Variants in LTBP1 observed in about 807,000 individuals in gnomAD.
LTBP1 encodes latent transforming growth factor beta binding protein 1.
In LTBP1, 129 loss-of-function variants were observed where a neutral mutation model predicts 207.6. The ratio of observed to expected loss-of-function variants is 0.62; its 90% confidence interval spans 0.54 to 0.72. The LOEUF (loss-of-function observed/expected upper bound fraction) is 0.72. LTBP1 is among the 30% of genes least tolerant of loss of function. The pLI is 0.00. For missense variants in LTBP1, 2,281 were observed against 2,217.2 expected (o/e 1.03, Z -0.58); for synonymous variants, 963 against 833.7 (o/e 1.16, Z -2.67).
chr2:33,006,530 C>G (rs1028496709), intron 2 of LTBP1, among the ~76,000 whole-genome samples: 17 of 151,462 alleles, frequency 1.1e-4, no homozygotes, highest in Admixed American at 3.3e-4. Context: ...GTACAGGCAC[C>G]TAGCCACCAC....
intron 5 of LTBP1, among the ~76,000 whole-genome samples, chr2:33,137,915 G>A (rs1189516709): frequency 6.6e-6 from 1 of 152,192 alleles, no homozygotes. Flanking sequence ...GGGACAAGGT[G>A]AAGGACCTCA....
At chr2:33,374,582 G>A (rs993127159) in intron 31 of LTBP1, among the ~76,000 whole-genome samples, 1 of 152,202 alleles carries the variant, frequency 6.6e-6, no homozygotes, top group African/African-American at 2.4e-5. Flanking sequence ...CTGTGGGACT[G>A]AACTCTTGGT....
At chr2:33,019,328 CTTTTTTTTTTTTT>C (rs58570641) in intron 2 of LTBP1, among the ~76,000 whole-genome samples, 5 of 87,672 alleles carry the variant, frequency 5.7e-5, no homozygotes, top group Admixed American at 2.8e-4. Flanking sequence ...ATGTACACTT[CTTTTTTTTTTTTT>C]TTTTTTTTTT....
At position 33,284,464 on chromosome 2, in the gene LTBP1, C is replaced by T. The variant is rs1162344739; in HGVS notation, c.3112+4306C>T. ...TCATTCTTCTCTAGAGAGTCACGTT[C>T]GTCATTCGGCACTGTATTCCTTGGA... is the stretch of plus-strand genomic sequence containing the variant. On this transcript the variant is annotated intron_variant, in intron 19 of 33. Coordinates refer to ENST00000404816, the MANE Select transcript of LTBP1 (RefSeq NM_206943.4). Among the ~76,000 whole-genome samples the T allele has an allele frequency of 2.0e-5, 3 of 152,154 alleles. No homozygotes were observed. The East Asian group carries it at 5.8e-4, about 29-fold the overall frequency.
intron 5 of LTBP1, among the ~76,000 whole-genome samples, chr2:33,172,753 A>AG (rs2085592482): frequency 1.3e-5 from 2 of 152,256 alleles, no homozygotes; most frequent in Non-Finnish European, 2.9e-5. Flanking sequence ...CATAGTTGGA[A>AG]GTAAAGCTCT....
At chr2:33,004,832 A>G (rs1686591389) in intron 2 of LTBP1, among the ~76,000 whole-genome samples, 1 of 129,824 alleles carries the variant, frequency 7.7e-6, no homozygotes, top group African/African-American at 2.7e-5. Flanking sequence ...AAATTTGTAA[A>G]ATAGTATTTA....
chr2:33,064,466 A>G (rs905471903), intron 3 of LTBP1, among the ~76,000 whole-genome samples: 1 of 152,194 alleles, frequency 6.6e-6, no homozygotes, highest in Non-Finnish European at 1.5e-5. Context: ...CATGAGCTTC[A>G]TGTTCAGATT....
chr2:33,268,400 C>T (rs570386088), intron 15 of LTBP1, among the ~76,000 whole-genome samples: 125 of 152,280 alleles, frequency 8.2e-4, no homozygotes, highest in African/African-American at 2.5e-3. Flanking sequence ...AAAATGAATA[C>T]CATCAGCTCC....
intron 33 of LTBP1, among the ~76,000 whole-genome samples, 200 bp downstream of exon 33, chr2:33,397,482 T>C (rs555661396): frequency 5.2e-4 from 79 of 151,604 alleles, no homozygotes; most frequent in African/African-American, 1.8e-3. Context: ...ATGGTAAATA[T>C]GTTCTGTGTA....
chr2:33,020,919 T>C lies in LTBP1; in HGVS notation c.576T>C (p.Val192=), dbSNP rs777196228. 4.4e-6 allele frequency: 7 copies of C among 1,584,326 alleles called. No homozygotes were observed. In the East Asian group the frequency reaches 1.6e-4, roughly 36 times the overall value. The change falls in exon 3 of 34, where the codon GTT becomes GTC. Residue 192 remains valine, a synonymous_variant. Transcript: ENST00000404816. ...GSQRCTKPSC[V]PPCQNGGMCL... ...GTTTTCTTTCTGCAGCTAGCTGTGT[T>C]CCGCCATGTCAGAATGGAGGGATGT...
At chr2:33,086,871 T>G (rs1477747304) in intron 3 of LTBP1, among the ~76,000 whole-genome samples, 1 of 151,908 alleles carries the variant, frequency 6.6e-6, no homozygotes, top group East Asian at 1.9e-4. Context: ...CACATTGTCT[T>G]TTTATTTATA....
chr2:33,192,715 C>A (rs376958665), intron 7 of LTBP1, among the ~76,000 whole-genome samples: 1 of 152,094 alleles, frequency 6.6e-6, no homozygotes, highest in Non-Finnish European at 1.5e-5. Context: ...GTTGTTATAA[C>A]AGAGTGTCAC....
chr2:33,376,202 A>C (rs2095138044), intron 31 of LTBP1, among the ~76,000 whole-genome samples: 1 of 152,176 alleles, frequency 6.6e-6, no homozygotes. Context: ...ATGTTTACCA[A>C]CCTAATCAAA....
intron 31 of LTBP1, among the ~76,000 whole-genome samples, chr2:33,369,730 A>C (rs1416759166): frequency 6.6e-6 from 1 of 152,158 alleles, no homozygotes; most frequent in East Asian, 1.9e-4. Context: ...TGGTAGACAC[A>C]GGGGAACTTT....
chr2:33,267,237 A>ACCCCTCACTGCTC (rs1007480909), intron 15 of LTBP1, among the ~76,000 whole-genome samples: 4 of 151,894 alleles, frequency 2.6e-5, no homozygotes, highest in Admixed American at 2.0e-4. Context: ...TTGCTCACAC[A>ACCCCTCACTGCTC]CCCCTCACTG....
chr2:32,990,537 G>A (rs76956852), intron 2 of LTBP1, among the ~76,000 whole-genome samples: 224 of 152,220 alleles, frequency 1.5e-3, no homozygotes, highest in African/African-American at 3.9e-3. Flanking sequence ...ATTTACTTAC[G>A]TTGTTTACAT....
chr2:33,113,021 T>C (rs1265971723), intron 4 of LTBP1, among the ~76,000 whole-genome samples: 1 of 152,212 alleles, frequency 6.6e-6, no homozygotes, highest in Non-Finnish European at 1.5e-5. Flanking sequence ...AAATAGAAGA[T>C]ACTAAGATCA....
At chr2:32,983,184 A>C (rs1054001706) in intron 2 of LTBP1, among the ~76,000 whole-genome samples, 1 of 152,176 alleles carries the variant, frequency 6.6e-6, no homozygotes, top group East Asian at 1.9e-4. Context: ...AAACAGAGTC[A>C]AAGGAGATCA....
intron 5 of LTBP1, among the ~76,000 whole-genome samples, chr2:33,177,659 C>T (rs112751612): frequency 6.6e-6 from 1 of 152,042 alleles, no homozygotes; most frequent in Non-Finnish European, 1.5e-5. Context: ...CAGAGTGAGA[C>T]CTTGTCTCAA....
Sources: gnomAD v4.1 joint callset for allele counts (sites outside exome capture counted in the v4.1 genomes callset) on GRCh38, gnomAD v4.1.1 for gene constraint, MANE v1.5 for transcripts, NCBI Gene and HGNC (gene_info 2026-07-23, HGNC 2026-07-21) for gene names.